PCDHGB6: variants seen among roughly 807,000 people sequenced by gnomAD.
The protein encoded by PCDHGB6 is protocadherin gamma subfamily B, 6.
Under a neutral mutation model 59.1 loss-of-function variants are expected in PCDHGB6, and 51 were observed. That is an observed-to-expected ratio of 0.86 (90% confidence interval 0.69 to 1.09). PCDHGB6 has a LOEUF of 1.09. Ranked by LOEUF, PCDHGB6 falls within the 50% of genes least tolerant of loss-of-function variation. The pLI is 0.00. For missense variants in PCDHGB6, 1,148 were observed against 1,205.1 expected (o/e 0.95, Z 0.70); for synonymous variants, 466 against 495.1 (o/e 0.94, Z 0.78).
chr5:141,417,776 C>T (rs2096161387), intron 1 of PCDHGB6: 1 of 1,469,712 alleles, frequency 6.8e-7, no homozygotes, highest in South Asian at 1.4e-5. Context: ...CTCCTCCTGT[C>T]CTGGGCCGAA....
At chr5:141,414,964 G>C (rs1245472476) in intron 1 of PCDHGB6, 11 of 1,613,874 alleles carry the variant, frequency 6.8e-6, no homozygotes, top group Non-Finnish European at 9.3e-6. Context: ...CAAGGTGGTG[G>C]CGGTGGACAG....
At chr5:141,426,693 A>G (rs62378458) in intron 1 of PCDHGB6, 1 of 435,784 alleles carries the variant, frequency 2.3e-6, no homozygotes, top group African/African-American at 2.0e-5. Flanking sequence ...CCAAAATAGC[A>G]TTGTTTTACA....
chr5:141,415,077 A>C, intron 1 of PCDHGB6: 2 of 1,613,468 alleles, frequency 1.2e-6, no homozygotes, highest in Non-Finnish European at 1.7e-6. Flanking sequence ...GCACGGCGCG[A>C]GCCCTGCTGG....
In PCDHGB6 at chr5:141,511,216, C is replaced by A. The variant is rs374915167; in HGVS notation, c.*43C>A. On this transcript the variant is annotated 3_prime_UTR_variant, in exon 4 of 4. Coordinates refer to ENST00000520790, the MANE Select transcript of PCDHGB6 (RefSeq NM_018926.3). Reference sequence around the variant, plus strand: ...GAGCCACAGGGCGGCCTCTCCCCAACCAGCCCAGCTTCTCCTTACCTGCAC... The same window carrying A: ...GAGCCACAGGGCGGCCTCTCCCCAAACAGCCCAGCTTCTCCTTACCTGCAC... The A allele has an allele frequency of 6.2e-7, 1 of 1,608,004 alleles. No homozygotes were observed. The highest frequency in any genetic ancestry group is 1.3e-5 in the African/African-American group (1 of 74,736).
At chr5:141,472,066 T>C (rs1440684719) in intron 1 of PCDHGB6, among the ~76,000 whole-genome samples, 1 of 152,140 alleles carries the variant, frequency 6.6e-6, no homozygotes, top group African/African-American at 2.4e-5. Flanking sequence ...GACATGTCTG[T>C]GGTTATATCA....
At chr5:141,420,432 T>C in intron 1 of PCDHGB6, 2 of 1,149,120 alleles carry the variant, frequency 1.7e-6, no homozygotes, top group Non-Finnish European at 2.3e-6. Flanking sequence ...AAAGTTTAAA[T>C]TAAATGCCTC....
chr5:141,477,861 G>T lies in PCDHGB6; in HGVS notation c.2419-16946G>T. 6.2e-7 allele frequency: 1 copy of T among 1,612,714 alleles called. No homozygotes were observed. Among genetic ancestry groups the T allele is most frequent in the Non-Finnish European group, 8.5e-7 (1 of 1,179,590 alleles). ...GGGAGCTCGGTGGAGATGCTGCCTC[G>T]AGGTACCTCAGCTGGCCACCTAGTG... On this transcript the variant is annotated intron_variant, in intron 1 of 3. Coordinates refer to ENST00000520790, the MANE Select transcript of PCDHGB6 (RefSeq NM_018926.3). This position sits in a 1 kb window ranked among gnomAD's most constrained non-coding sequence, Gnocchi z 4.9.
In PCDHGB6 at chr5:141,408,241, G is replaced by A; in HGVS notation, c.39G>A (p.Pro13=). Residue 13 remains proline, a synonymous_variant, in exon 1 of 4, where the codon CCG becomes CCA. Coordinates refer to ENST00000520790, the MANE Select transcript of PCDHGB6 (RefSeq NM_018926.3). ...GCGCGCAGAGGCGCCGGGCCGGCCC[G>A]CGGCAGGTGCTATTTCCTTTGCTGC... ...GSCAQRRRAG[P]RQVLFPLLLP... The A allele has an allele frequency of 1.3e-6, 2 of 1,580,050 alleles. No individual in the cohort carries two copies. The highest frequency in any genetic ancestry group is 1.7e-6 in the Non-Finnish European group (2 of 1,162,760).
chr5:141,426,733 G>A (rs62378459), intron 1 of PCDHGB6: 13,670 of 449,336 alleles, frequency 0.03, 288 homozygotes, highest in Middle Eastern at 0.11. Context: ...CCAGGCATTC[G>A]GTTTGGCCTG....
At position 141,477,529 on chromosome 5, in the gene PCDHGB6, C is replaced by G; in HGVS notation, c.2419-17278C>G. ...ACGTTTACATTGAAGAAAACAACCT[C>G]CCCGGGGCTCCAATACTAAACCTAA... On this transcript the variant is annotated intron_variant, in intron 1 of 3. Transcript: ENST00000520790. The surrounding 1 kb of genome is among the most constrained non-coding windows in gnomAD (Gnocchi z 4.9). 6.2e-7 allele frequency: 1 copy of G among 1,614,172 alleles called. No homozygotes were observed. The highest frequency in any genetic ancestry group is 8.5e-7 in the Non-Finnish European group (1 of 1,180,032).
intron 3 of PCDHGB6, among the ~76,000 whole-genome samples, chr5:141,510,511 T>C (rs2099881465): frequency 6.6e-6 from 1 of 152,142 alleles, no homozygotes; most frequent in Non-Finnish European, 1.5e-5. Context: ...TGAGAGCCCG[T>C]GTCACAGCCC....
At position 141,487,362 on chromosome 5, in the gene PCDHGB6, C is replaced by T; in HGVS notation, c.2419-7445C>T. On this transcript the variant is annotated intron_variant, in intron 1 of 3. Transcript: ENST00000520790. The surrounding 1 kb of genome is among the most constrained non-coding windows in gnomAD (Gnocchi z 5.0). The stretch of plus-strand genomic sequence containing the variant: ...GGAGTCACATGCTTTCCTGCTGGCA[C>T]CTGTGCCTGTCTCACCAGATCTCGA... 3 of 1,614,200 alleles carry T rather than the reference C, an allele frequency of 1.9e-6. No homozygotes were observed. Among genetic ancestry groups the T allele is most frequent in the Non-Finnish European group, 2.5e-6 (3 of 1,180,044 alleles).
Position 141,486,151 on chromosome 5 carries a change from T to C in PCDHGB6, c.2419-8656T>C, listed in dbSNP as rs570065848. The C allele has an allele frequency of 2.7e-5, 44 of 1,613,914 alleles. No individual in the cohort carries two copies. In the South Asian group the frequency reaches 4.3e-4, roughly 16 times the overall value. ...TTGATGTGCGGGCTCGCGATGGGGGTTCTCCAGCCATGGAGCAACATTGCA... is the reference window on the plus strand; with the variant it reads ...TTGATGTGCGGGCTCGCGATGGGGGCTCTCCAGCCATGGAGCAACATTGCA... On this transcript the variant is annotated intron_variant, in intron 1 of 3. Transcript: ENST00000520790. The surrounding 1 kb of genome is among the most constrained non-coding windows in gnomAD (Gnocchi z 5.0).
chr5:141,415,717 A>G, intron 1 of PCDHGB6: 1 of 839,652 alleles, frequency 1.2e-6, no homozygotes, highest in Non-Finnish European at 1.8e-6. Flanking sequence ...AACACTGATG[A>G]GTAGAATTTG....
At chr5:141,429,796 A>C (rs2097245618) in intron 1 of PCDHGB6, among the ~76,000 whole-genome samples, 1 of 152,216 alleles carries the variant, frequency 6.6e-6, no homozygotes, top group Non-Finnish European at 1.5e-5. Flanking sequence ...ATTACCAGTA[A>C]TTCTCAGTAA....
chr5:141,428,949 G>T (rs2097173007), intron 1 of PCDHGB6: 1 of 152,034 alleles, frequency 6.6e-6, no homozygotes, highest in Admixed American at 6.6e-5. Flanking sequence ...CTGCCTTCCG[G>T]GTTCTGGCCA....
intron 1 of PCDHGB6, among the ~76,000 whole-genome samples, chr5:141,435,604 A>T (rs1361568996): frequency 6.6e-6 from 1 of 152,180 alleles, no homozygotes. Flanking sequence ...CCTGCTTTTT[A>T]CATTAAATTC....
intron 1 of PCDHGB6, among the ~76,000 whole-genome samples, chr5:141,429,377 G>GTT (rs566693637): frequency 2.2e-4 from 33 of 149,524 alleles, no homozygotes; most frequent in South Asian, 1.5e-3. Context: ...GAGAAAATGT[G>GTT]TTTTTTTTTT....
At chr5:141,510,677 A>G (rs2099882239) in intron 3 of PCDHGB6, among the ~76,000 whole-genome samples, 2 of 152,212 alleles carry the variant, frequency 1.3e-5, no homozygotes, top group African/African-American at 4.8e-5. Context: ...CTGAAGTGGC[A>G]TAAGGAGGTT....
Sources: gnomAD v4.1 joint callset for allele counts (sites outside exome capture counted in the v4.1 genomes callset) on GRCh38, gnomAD v4.1.1 for gene constraint, Gnocchi (gnomAD v3.1) non-coding constraint, MANE v1.5 for transcripts, NCBI Gene and HGNC (gene_info 2026-07-23, HGNC 2026-07-21) for gene names.